Variants in SMOC2 observed in about 807,000 individuals in gnomAD.
SMOC2 encodes the protein SPARC related modular calcium binding 2.
Under a neutral mutation model 61.4 loss-of-function variants are expected in SMOC2, and 39 were observed. The observed-to-expected ratio is 0.64, with a 90% CI of 0.49 to 0.83. The LOEUF (loss-of-function observed/expected upper bound fraction) is 0.83. Ranked by LOEUF, SMOC2 falls within the 40% of genes least tolerant of loss-of-function variation. The pLI is 0.00. For synonymous variants in SMOC2, 247 were observed against 239.9 expected (o/e 1.03, Z -0.27); for missense variants, 556 against 592.9 (o/e 0.94, Z 0.65).
intron 2 of SMOC2, among the ~76,000 whole-genome samples, chr6:168,512,664 A>G (rs1783035660): frequency 6.6e-6 from 1 of 152,186 alleles, no homozygotes. Flanking sequence ...GTGGCCTGGA[A>G]TGGTCGCTGC....
intron 2 of SMOC2, among the ~76,000 whole-genome samples, chr6:168,524,407 A>G (rs777697854): frequency 6.6e-6 from 1 of 152,222 alleles, no homozygotes; most frequent in Non-Finnish European, 1.5e-5. Context: ...TTAATATTCT[A>G]TTAAACCCAA....
chr6:168,538,569 G>C (rs1273706672), intron 4 of SMOC2, among the ~76,000 whole-genome samples: 5 of 135,792 alleles, frequency 3.7e-5, no homozygotes, highest in African/African-American at 1.4e-4. Flanking sequence ...GGGGAGTGGG[G>C]TGACCCCTGC....
chr6:168,625,201 C>T (rs951701336), intron 9 of SMOC2, among the ~76,000 whole-genome samples: 11 of 152,256 alleles, frequency 7.2e-5, no homozygotes, highest in African/African-American at 2.7e-4. Flanking sequence ...GTGGGTCGTC[C>T]TCACCGTGAA....
chr6:168,548,507 G>GCCA (rs1034344075), intron 6 of SMOC2, among the ~76,000 whole-genome samples: 2 of 142,998 alleles, frequency 1.4e-5, no homozygotes, highest in African/African-American at 5.4e-5. Context: ...ACAGGCACTT[G>GCCA]CCACCACCCC....
At chr6:168,458,371 C>T (rs1781639634) in intron 1 of SMOC2, among the ~76,000 whole-genome samples, 1 of 150,518 alleles carries the variant, frequency 6.6e-6, no homozygotes, top group African/African-American at 2.5e-5. Context: ...CTCACCCTGC[C>T]CCTCTGGGGG....
intron 1 of SMOC2, among the ~76,000 whole-genome samples, chr6:168,463,028 A>G (rs934535394): frequency 1.3e-5 from 2 of 152,222 alleles, no homozygotes; most frequent in African/African-American, 4.8e-5. Flanking sequence ...TTTGAGGACA[A>G]TCTTTGAATC....
chr6:168,663,716 G>C (rs768657541), intron 11 of SMOC2, among the ~76,000 whole-genome samples: 2 of 152,082 alleles, frequency 1.3e-5, no homozygotes, highest in Non-Finnish European at 2.9e-5. Flanking sequence ...AGAAAGAAAA[G>C]ATGCAAATAA....
At chr6:168,534,445 G>A (rs756815482) in intron 4 of SMOC2, among the ~76,000 whole-genome samples, 7 of 152,326 alleles carry the variant, frequency 4.6e-5, no homozygotes, top group African/African-American at 7.2e-5. Flanking sequence ...GCCAGGGCCC[G>A]GACTGGAAGT....
intron 9 of SMOC2, among the ~76,000 whole-genome samples, chr6:168,618,669 G>A (rs1786165317): frequency 6.6e-6 from 1 of 152,162 alleles, no homozygotes; most frequent in Non-Finnish European, 1.5e-5. Context: ...CAAGGCCAGG[G>A]AATGACGATG....
intron 1 of SMOC2, among the ~76,000 whole-genome samples, chr6:168,445,710 G>A (rs966627843): frequency 2.0e-5 from 3 of 152,074 alleles, no homozygotes; most frequent in African/African-American, 7.2e-5. Context: ...AGTAGAAGAC[G>A]GACCACGAAG....
At chr6:168,508,699 C>A (rs926564828) in intron 1 of SMOC2, among the ~76,000 whole-genome samples, 15 of 152,196 alleles carry the variant, frequency 9.9e-5, no homozygotes, top group Non-Finnish European at 1.5e-4. Flanking sequence ...CTATTTTCCC[C>A]CTGCTCAAAC....
At chr6:168,469,861 G>A (rs974019927) in intron 1 of SMOC2, among the ~76,000 whole-genome samples, 6 of 152,170 alleles carry the variant, frequency 3.9e-5, no homozygotes, top group East Asian at 1.9e-4. Context: ...CACTCCATTC[G>A]GTGATATTGT....
intron 7 of SMOC2, among the ~76,000 whole-genome samples, chr6:168,563,305 A>T (rs1340265895): frequency 6.6e-6 from 1 of 151,808 alleles, no homozygotes; most frequent in East Asian, 1.9e-4. Context: ...GTGTGTATAT[A>T]TATGTGTGTA....
At chr6:168,600,575 C>T (rs1016231251) in intron 8 of SMOC2, among the ~76,000 whole-genome samples, 7 of 152,144 alleles carry the variant, frequency 4.6e-5, no homozygotes, top group African/African-American at 9.7e-5. Flanking sequence ...GCCCCACTCA[C>T]GCCGGACGGA....
chr6:168,578,054 G>T (rs147191091), intron 7 of SMOC2, among the ~76,000 whole-genome samples: 1 of 152,188 alleles, frequency 6.6e-6, no homozygotes, highest in African/African-American at 2.4e-5. Flanking sequence ...ATCTGTGTCC[G>T]CAGGGTTAAA....
intron 9 of SMOC2, among the ~76,000 whole-genome samples, chr6:168,615,811 A>G (rs369837900): frequency 0.24 from 34,591 of 143,246 alleles, 5,023 homozygotes; most frequent in Non-Finnish European, 0.25. Context: ...AATTGCTGGC[A>G]TAATTATCGT....
chr6:168,569,111 C>G lies in SMOC2; in HGVS notation c.637+19908C>G, dbSNP rs150683446. The stretch of plus-strand genomic sequence containing the variant: ...GGTACAGTAAAACTCTGTGTGTCTT[C>G]ATAAGAAACTGCCAAGCTGTCTTCT... On this transcript the variant is annotated intron_variant, in intron 7 of 12. Coordinates refer to ENST00000356284, the MANE Select transcript of SMOC2 (RefSeq NM_001166412.2). 3.0e-3 allele frequency among the ~76,000 whole-genome samples: 452 copies of G among 152,318 alleles called. 1 individual carries two copies. The highest frequency in any genetic ancestry group is 0.011 in the African/African-American group (437 of 41,566).
chr6:168,610,524 C>T (rs546416574), intron 9 of SMOC2, among the ~76,000 whole-genome samples: 1 of 152,294 alleles, frequency 6.6e-6, no homozygotes, highest in East Asian at 1.9e-4. Context: ...TCCTTCAGGT[C>T]CCATGCAGGC....
At chr6:168,485,714 G>A (rs1418497613) in intron 1 of SMOC2, among the ~76,000 whole-genome samples, 1 of 152,020 alleles carries the variant, frequency 6.6e-6, no homozygotes, top group Non-Finnish European at 1.5e-5. Context: ...TGTTTTTTTG[G>A]GGGGGAGATG....
Sources: allele counts gnomAD v4.1 joint callset (sites outside exome capture counted in the v4.1 genomes callset), GRCh38; gene constraint gnomAD v4.1.1; transcripts MANE v1.5; gene names NCBI Gene and HGNC (gene_info 2026-07-23, HGNC 2026-07-21).